The following CNTNAP4 variants were observed in gnomAD, a reference collection of about 807,000 sequenced individuals.
The protein encoded by CNTNAP4 is contactin associated protein family member 4.
Under a neutral mutation model 148.4 loss-of-function variants are expected in CNTNAP4, and 98 were observed. That is an observed-to-expected ratio of 0.66 (90% CI 0.56 to 0.78). The LOEUF (loss-of-function observed/expected upper bound fraction) is 0.78. CNTNAP4 is among the 30% of genes least tolerant of loss of function. The probability of loss-of-function intolerance (pLI) is 0.00; values close to 1 mark genes in which losing one functional copy is unlikely to be tolerated. For missense variants in CNTNAP4, 1,935 were observed against 1,565.6 expected, an observed-to-expected ratio of 1.24 and a Z score of -3.98; for synonymous variants, 730 against 565.1, an observed-to-expected ratio of 1.29 and a Z score of -4.14.
chr16:76,416,240 T>C (rs1008083316), intron 3 of CNTNAP4, among the ~76,000 whole-genome samples: 15 of 151,366 alleles, frequency 9.9e-5, no homozygotes, highest in Non-Finnish European at 8.9e-5. Flanking sequence ...TTTTCTCGAA[T>C]GTTTTCCTGT....
chr16:76,362,814 T>G (rs2013600437), intron 3 of CNTNAP4, among the ~76,000 whole-genome samples: 1 of 152,178 alleles, frequency 6.6e-6, no homozygotes, highest in South Asian at 2.1e-4. Context: ...GCTTATTACC[T>G]AGGTCACAAA....
intron 3 of CNTNAP4, among the ~76,000 whole-genome samples, chr16:76,357,734 C>T (rs185893829): frequency 6.6e-6 from 1 of 152,300 alleles, no homozygotes; most frequent in East Asian, 1.9e-4. Context: ...CTTCTGATCA[C>T]TCTAAAAGTG....
At chr16:76,279,103 A>G in intron 1 of CNTNAP4, among the ~76,000 whole-genome samples, 1 of 152,208 alleles carries the variant, frequency 6.6e-6, no homozygotes, top group African/African-American at 2.4e-5. Context: ...GCATCATACA[A>G]GCAAACAATA....
At chr16:76,454,782 CT>C (rs1337359898) in intron 8 of CNTNAP4, among the ~76,000 whole-genome samples, 1 of 152,138 alleles carries the variant, frequency 6.6e-6, no homozygotes, top group East Asian at 1.9e-4. Flanking sequence ...ATTATAATGA[CT>C]TTCAAGAGAA....
chr16:76,539,696 A>T (rs1235271218), intron 19 of CNTNAP4, 23 bp from the exon 20 acceptor site: 4 of 1,558,558 alleles, frequency 2.6e-6, no homozygotes, highest in Admixed American at 2.1e-5. Flanking sequence ...TACTAAAAGA[A>T]TCACAATTTT....
chr16:76,440,215 A>G (rs1241829442), intron 4 of CNTNAP4, among the ~76,000 whole-genome samples: 1 of 152,004 alleles, frequency 6.6e-6, no homozygotes, highest in Non-Finnish European at 1.5e-5. Context: ...TTCTATTTAC[A>G]TTTTGGGGAG....
Position 76,558,960 on chromosome 16 carries a change from T to A in CNTNAP4, c.*277T>A, listed in dbSNP as rs1394476189. 1 of 228,948 alleles carries A rather than the reference T, an allele frequency of 4.4e-6. No homozygotes were observed. Among genetic ancestry groups the A allele is most frequent in the Non-Finnish European group, 8.4e-6 (1 of 118,908 alleles). The allele number at this position is 228,948 out of a possible 1,614,324, so 14.2% of individuals were successfully genotyped here. A position where few individuals can be genotyped will look rare whatever the true frequency, so the allele number is the denominator to read the frequency against. On this transcript the variant is annotated 3_prime_UTR_variant, in exon 24 of 24. Coordinates refer to ENST00000611870, the MANE Select transcript of CNTNAP4 (RefSeq NM_033401.5). ...AGTTTAACCTGCTTAATGGCTACAG[T>A]TTTTACATGTGAAAACTGTAGCCTT...
intron 3 of CNTNAP4, among the ~76,000 whole-genome samples, chr16:76,412,177 A>C (rs2078821900): frequency 6.6e-6 from 1 of 151,486 alleles, no homozygotes; most frequent in Admixed American, 6.6e-5. Context: ...TAATGAAAAT[A>C]AGTAAAAGTA....
intron 8 of CNTNAP4, among the ~76,000 whole-genome samples, chr16:76,460,900 C>T (rs1280221873): frequency 6.7e-6 from 1 of 149,968 alleles, no homozygotes; most frequent in Non-Finnish European, 1.5e-5. Context: ...AACCTTTGCT[C>T]CTGGGGGAAA....
intron 17 of CNTNAP4, among the ~76,000 whole-genome samples, chr16:76,532,063 C>A (rs1465561091): frequency 6.6e-6 from 1 of 152,110 alleles, no homozygotes; most frequent in South Asian, 2.1e-4. Context: ...TTGTAGTAAT[C>A]TTGTGTTTCC....
Position 76,553,335 on chromosome 16 carries a change from A to C in CNTNAP4, c.3495A>C (p.Thr1165=). 1 of 1,612,924 alleles carries C rather than the reference A, an allele frequency of 6.2e-7. No homozygotes were observed. The highest frequency in any genetic ancestry group is 8.5e-7 in the Non-Finnish European group (1 of 1,179,434). Residue 1165 remains threonine, a synonymous_variant, in exon 22 of 24, where the codon ACA becomes ACC. Transcript: ENST00000611870. ...DTALAGAQGF[T]GCLSAVQLSH... ...CACTGGCAGGTGCGCAGGGCTTCAC[A>C]GGCTGCCTCTCTGCAGTGCAGCTCA...
chr16:76,352,473 C>T (rs1445393945), intron 2 of CNTNAP4, among the ~76,000 whole-genome samples: 2 of 152,148 alleles, frequency 1.3e-5, no homozygotes, highest in African/African-American at 2.4e-5. Flanking sequence ...CTGATTCCCA[C>T]CTTTGCATCC....
intron 14 of CNTNAP4, among the ~76,000 whole-genome samples, chr16:76,498,237 CA>C (rs1254642384): frequency 6.6e-6 from 1 of 152,062 alleles, no homozygotes; most frequent in East Asian, 1.9e-4. Flanking sequence ...CCAAAAAATA[CA>C]AAAGTTAGCT....
chr16:76,463,040 A>T (rs2081042304), intron 9 of CNTNAP4, among the ~76,000 whole-genome samples: 1 of 152,228 alleles, frequency 6.6e-6, no homozygotes, highest in Non-Finnish European at 1.5e-5. Context: ...AACAAACAAA[A>T]AAACTGCTAC....
intron 10 of CNTNAP4, chr16:76,469,555 A>G (rs958871339): frequency 1.3e-5 from 2 of 152,196 alleles, no homozygotes; most frequent in African/African-American, 2.4e-5. Context: ...ATTGCTGAAC[A>G]TTCATTTGGT....
intron 3 of CNTNAP4, among the ~76,000 whole-genome samples, chr16:76,376,443 C>T (rs1567915771): frequency 6.6e-6 from 1 of 152,066 alleles, no homozygotes; most frequent in African/African-American, 2.4e-5. Context: ...GACATGTCTT[C>T]TTATTATAAA....
At chr16:76,349,107 C>CTA (rs1567804401) in intron 2 of CNTNAP4, among the ~76,000 whole-genome samples, 20 of 151,930 alleles carry the variant, frequency 1.3e-4, no homozygotes, top group Non-Finnish European at 2.2e-4. Flanking sequence ...CAGGACCTAG[C>CTA]GGTCCTGATC....
chr16:76,296,977 CT>C (rs1023893804), intron 1 of CNTNAP4, among the ~76,000 whole-genome samples: 19 of 152,282 alleles, frequency 1.2e-4, no homozygotes, highest in South Asian at 4.1e-4. Flanking sequence ...AAATATGCCC[CT>C]GGACATATCC....
chr16:76,383,009 T>C (rs2016143017), intron 3 of CNTNAP4, among the ~76,000 whole-genome samples: 1 of 152,092 alleles, frequency 6.6e-6, no homozygotes, highest in East Asian at 1.9e-4. Flanking sequence ...GAATGCCTTA[T>C]AGAACAAAAC....
Sources: allele counts gnomAD v4.1 joint callset (sites outside exome capture counted in the v4.1 genomes callset), GRCh38; gene constraint gnomAD v4.1.1; transcripts MANE v1.5; gene names NCBI Gene and HGNC (gene_info 2026-07-23, HGNC 2026-07-21).